Variants in ATOH8 observed in about 807,000 individuals in gnomAD.
The protein encoded by ATOH8 is transcription factor ATOH8.
Under a neutral mutation model 21.2 loss-of-function variants are expected in ATOH8, and 9 were observed. The ratio of observed to expected loss-of-function variants is 0.42; its 90% confidence interval spans 0.26 to 0.74. The LOEUF (loss-of-function observed/expected upper bound fraction) is 0.74. Among genes scored for constraint, ATOH8 ranks in the 30% least tolerant of loss-of-function variants. ATOH8 has a pLI of 0.24. For synonymous variants in ATOH8, 253 were observed against 224.0 expected, an observed-to-expected ratio of 1.13 and a Z score of -1.16; for missense variants, 524 against 470.9, an observed-to-expected ratio of 1.11 and a Z score of -1.04.
intron 1 of ATOH8, among the ~76,000 whole-genome samples, chr2:85,762,492 A>C (rs185074689): frequency 1.4e-3 from 213 of 152,280 alleles, no homozygotes; most frequent in African/African-American, 4.7e-3. Context: ...GGCACTGCAG[A>C]CATAGGCCTT....
chr2:85,783,540 C>CGAAA lies in ATOH8; in HGVS notation c.961-3345_961-3344insGAAA, dbSNP rs1680551076. Reference sequence around the variant, plus strand: ...CCGAGATCGTGCCATTGCGCTCCAGCCTGGGCAACAAGAGTGAAACTCCGT... The same window carrying CGAAA: ...CCGAGATCGTGCCATTGCGCTCCAGCGAAACTGGGCAACAAGAGTGAAACTCCGT... On this transcript the variant is annotated intron_variant, in intron 2 of 2. Coordinates refer to ENST00000306279, the MANE Select transcript of ATOH8 (RefSeq NM_032827.7). The CGAAA allele has an allele frequency of 2.0e-5, 3 of 152,724 alleles. No individual in the cohort carries two copies. In the East Asian group the frequency reaches 5.8e-4, roughly 29 times the overall value. 9.5% of individuals were successfully genotyped at this position (152,724 alleles called of 1,614,324 possible). A position where few individuals can be genotyped will look rare whatever the true frequency, so the allele number is the denominator to read the frequency against.
In ATOH8 at chr2:85,788,835, C is replaced by G. The variant is rs1218229082; in HGVS notation, c.*1945C>G. On this transcript the variant is annotated 3_prime_UTR_variant, in exon 3 of 3. Coordinates refer to ENST00000306279, the MANE Select transcript of ATOH8 (RefSeq NM_032827.7). ...TTTACCAAGGACCACAGTGTCCATGCTGTCTTGGATCCCTAGGCTGGCACA... is the reference window on the plus strand; with the variant it reads ...TTTACCAAGGACCACAGTGTCCATGGTGTCTTGGATCCCTAGGCTGGCACA... Among the ~76,000 whole-genome samples the G allele has an allele frequency of 6.6e-6, 1 of 152,166 alleles. No individual in the cohort carries two copies. Among genetic ancestry groups the G allele is most frequent in the African/African-American group, 2.4e-5 (1 of 41,442 alleles).
chr2:85,755,594 C>T (rs1278263609), intron 1 of ATOH8, among the ~76,000 whole-genome samples: 2 of 152,164 alleles, frequency 1.3e-5, no homozygotes, highest in Admixed American at 6.5e-5. Flanking sequence ...GCAGCTCTGC[C>T]GAGGGGACTG....
intron 1 of ATOH8, 62 bp downstream of exon 1, chr2:85,755,019 G>C: frequency 6.7e-7 from 1 of 1,499,558 alleles, no homozygotes; most frequent in Non-Finnish European, 8.8e-7. Context: ...ATGGGTGGGC[G>C]AGTGGCCGGG....
At chr2:85,763,960 T>C in intron 1 of ATOH8, 31 bp from the exon 2 acceptor site, 1 of 1,603,624 alleles carries the variant, frequency 6.2e-7, no homozygotes, top group Non-Finnish European at 8.5e-7. Context: ...ACTGCGCCCC[T>C]GCAGCCCCTC....
Position 85,754,924 on chromosome 2 carries a change from C to T in ATOH8, c.735C>T (p.Thr245=), listed in dbSNP as rs765012275. The T allele has an allele frequency of 6.2e-7, 1 of 1,606,426 alleles. No individual in the cohort carries two copies. Among genetic ancestry groups the T allele is most frequent in the South Asian group, 1.1e-5 (1 of 90,928 alleles). Residue 245 remains threonine (T), a synonymous_variant, in exon 1 of 3, where the codon ACC becomes ACT. Coordinates refer to ENST00000306279, the MANE Select transcript of ATOH8 (RefSeq NM_032827.7). Reference sequence around the variant, plus strand: ...CCAGGGAGCGGACGCGGGTGCACACCATCAGCGCAGCCTTCGAGGCGCTCA... The same window carrying T: ...CCAGGGAGCGGACGCGGGTGCACACTATCAGCGCAGCCTTCGAGGCGCTCA... ...ANARERTRVH[T]ISAAFEALRK...
intron 2 of ATOH8, among the ~76,000 whole-genome samples, chr2:85,777,458 G>A (rs1573535188): frequency 6.6e-6 from 1 of 152,302 alleles, no homozygotes; most frequent in Admixed American, 6.5e-5. Context: ...AGGCTCAGAA[G>A]GACCGAGAGG....
chr2:85,759,374 T>C (rs1679801469), intron 1 of ATOH8, among the ~76,000 whole-genome samples: 1 of 152,154 alleles, frequency 6.6e-6, no homozygotes, highest in Non-Finnish European at 1.5e-5. Flanking sequence ...GTGGCTGCCG[T>C]GGAGCCTCAC....
rs756957957 is a variant in ATOH8, at chr2:85,763,978, C to T, written c.769-13C>T. 2 of 1,611,766 alleles carry T rather than the reference C, an allele frequency of 1.2e-6. No homozygotes were observed. The highest frequency in any genetic ancestry group is 1.1e-5 in the South Asian group (1 of 90,754). ...GCGCCCCTGCAGCCCCTCCTGACGCCTTCTCCCCTCAGGTGCCGTGCTACT... is the reference window on the plus strand; with the variant it reads ...GCGCCCCTGCAGCCCCTCCTGACGCTTTCTCCCCTCAGGTGCCGTGCTACT... On this transcript the variant is annotated splice_polypyrimidine_tract_variant and intron_variant, in intron 1 of 2. Transcript: ENST00000306279.
intron 2 of ATOH8, among the ~76,000 whole-genome samples, chr2:85,772,417 C>T (rs891994481): frequency 6.6e-6 from 1 of 152,070 alleles, no homozygotes; most frequent in Non-Finnish European, 1.5e-5. Context: ...GCGGCCCCCC[C>T]TCCTGGCAGC....
chr2:85,775,442 C>T (rs1005997374), intron 2 of ATOH8, among the ~76,000 whole-genome samples: 36 of 152,308 alleles, frequency 2.4e-4, no homozygotes, highest in African/African-American at 8.2e-4. Flanking sequence ...CCCTTGTTCC[C>T]TTGAATCTGC....
intron 2 of ATOH8, among the ~76,000 whole-genome samples, chr2:85,765,427 C>A (rs1449655434): frequency 6.6e-6 from 1 of 152,224 alleles, no homozygotes. Context: ...GGTAACTGCA[C>A]GTTGCATTCC....
At chr2:85,780,840 T>C in intron 2 of ATOH8, 2 of 978,936 alleles carry the variant, frequency 2.0e-6, no homozygotes, top group Non-Finnish European at 2.4e-6. Flanking sequence ...ATTCATGCCA[T>C]GTTCCCGCCC....
chr2:85,772,882 C>T (rs1231545314), intron 2 of ATOH8: 2 of 449,492 alleles, frequency 4.4e-6, no homozygotes, highest in African/African-American at 4.1e-5. Flanking sequence ...TCTTCCTCCT[C>T]TGCGAGCCCG....
At chr2:85,784,203 T>C (rs916212318) in intron 2 of ATOH8, among the ~76,000 whole-genome samples, 1 of 152,030 alleles carries the variant, frequency 6.6e-6, no homozygotes, top group Admixed American at 6.6e-5. Context: ...TCCTGGAGGG[T>C]TGAAGTGAGT....
At chr2:85,759,363 G>GGT (rs1679801274) in intron 1 of ATOH8, among the ~76,000 whole-genome samples, 1 of 152,174 alleles carries the variant, frequency 6.6e-6, no homozygotes, top group Admixed American at 6.5e-5. Context: ...AAGTCACCAG[G>GGT]GTGGCTGCCG....
Position 85,754,733 on chromosome 2 carries a change from G to C in ATOH8, c.544G>C (p.Ala182Pro). ...GCCCCCGGAGTCCACTGTGCGCCCT[G>C]CGCCCCCGACGCGCCCCGGGGAAAG... ...PAPPESTVRP[A>P]PPTRPGESSY... Residue 182 changes from alanine to proline, a missense_variant, in exon 1 of 3, where the codon GCG (alanine) becomes CCG (proline). Transcript: ENST00000306279. 6.2e-7 allele frequency: 1 copy of C among 1,612,518 alleles called. No individual in the cohort carries two copies. Among genetic ancestry groups the C allele is most frequent in the Non-Finnish European group, 8.5e-7 (1 of 1,179,726 alleles).
At chr2:85,780,854 G>A (rs1020990073) in intron 2 of ATOH8, 10 of 984,188 alleles carry the variant, frequency 1.0e-5, no homozygotes, top group African/African-American at 1.7e-5. Context: ...CCCGCCCCCC[G>A]CAAATAGCAG....
At position 85,766,880 on chromosome 2, in the gene ATOH8, G is replaced by A. The variant is rs554786585; in HGVS notation, c.960+2698G>A. Reference sequence around the variant, plus strand: ...CCTCTTTATCCGCTCTCTTGGTGGGGATGTGTGGCCCCACACTGAAGCCCA... The same window carrying A: ...CCTCTTTATCCGCTCTCTTGGTGGGAATGTGTGGCCCCACACTGAAGCCCA... On this transcript the variant is annotated intron_variant, in intron 2 of 2. Coordinates refer to ENST00000306279, the MANE Select transcript of ATOH8 (RefSeq NM_032827.7). The surrounding 1 kb of genome is among the most constrained non-coding windows in gnomAD (Gnocchi z 4.0). Among the ~76,000 whole-genome samples the A allele has an allele frequency of 3.9e-5, 6 of 152,284 alleles. No individual in the cohort carries two copies. The East Asian group carries it at 1.2e-3, about 29-fold the overall frequency.
Sources: gnomAD v4.1 joint callset for allele counts (sites outside exome capture counted in the v4.1 genomes callset) on GRCh38, gnomAD v4.1.1 for gene constraint, Gnocchi (gnomAD v3.1) non-coding constraint, MANE v1.5 for transcripts, NCBI Gene and HGNC (gene_info 2026-07-23, HGNC 2026-07-21) for gene names.